Variants in SHPRH observed in about 807,000 individuals in gnomAD.
SHPRH encodes E3 ubiquitin-protein ligase SHPRH.
SHPRH carries 106 observed loss-of-function variants against 202.5 expected under a neutral mutation model. That is an observed-to-expected ratio of 0.52 (90% confidence interval 0.45 to 0.62). SHPRH has a LOEUF of 0.62. Ranked by LOEUF, SHPRH falls within the 20% of genes least tolerant of loss-of-function variation. The pLI is 0.00. For missense variants in SHPRH, 1,710 were observed against 2,020.0 expected (o/e 0.85, Z 2.94); for synonymous variants, 729 against 686.0 (o/e 1.06, Z -0.98).
intron 11 of SHPRH, among the ~76,000 whole-genome samples, chr6:145,936,136 C>T (rs1786044205): frequency 6.6e-6 from 1 of 151,420 alleles, no homozygotes; most frequent in African/African-American, 2.4e-5. Flanking sequence ...TATTCTATTC[C>T]CCTCCACCTG....
At chr6:145,947,308 A>T (rs1321794530) in intron 6 of SHPRH, among the ~76,000 whole-genome samples, 185 bp downstream of exon 6, 1 of 152,066 alleles carries the variant, frequency 6.6e-6, no homozygotes, top group Non-Finnish European at 1.5e-5. Context: ...CTTCAAAAAT[A>T]AACCTTCTGG....
chr6:145,935,672 C>T, intron 11 of SHPRH: 1 of 457,530 alleles, frequency 2.2e-6, no homozygotes, highest in Admixed American at 3.5e-5. Context: ...TTTATGCAAC[C>T]ATTCATTACA....
At position 145,955,353 on chromosome 6, in the gene SHPRH, C is replaced by T; in HGVS notation, c.-31G>A. On this transcript the variant is annotated splice_region_variant and 5_prime_UTR_variant, in exon 2 of 30. Transcript: ENST00000275233. The stretch of plus-strand genomic sequence containing the variant: ...AGTTTTCTTGGCTGGTAACTGTGAA[C>T]TCTAGAGGACAAATGAAACAACAGG... 1 of 1,564,296 alleles carries T rather than the reference C, an allele frequency of 6.4e-7. No homozygotes were observed. The highest frequency in any genetic ancestry group is 8.6e-7 in the Non-Finnish European group (1 of 1,160,586).
intron 9 of SHPRH, among the ~76,000 whole-genome samples, chr6:145,942,494 T>C (rs1311235995): frequency 6.6e-6 from 1 of 152,200 alleles, no homozygotes; most frequent in Non-Finnish European, 1.5e-5. Flanking sequence ...TATTACAGTA[T>C]TCTCCATGCC....
chr6:145,937,239 C>T (rs557192452), intron 11 of SHPRH, among the ~76,000 whole-genome samples: 6 of 152,224 alleles, frequency 3.9e-5, no homozygotes, highest in African/African-American at 1.2e-4. Flanking sequence ...CCGCCTCAGC[C>T]TCCCAAAGTG....
intron 21 of SHPRH, among the ~76,000 whole-genome samples, chr6:145,919,713 A>C (rs996845051): frequency 1.1e-4 from 17 of 152,194 alleles, no homozygotes; most frequent in African/African-American, 4.1e-4. Context: ...CAGAATATAA[A>C]GATTTCTTGC....
At chr6:145,867,599 A>AAT (rs374395571) in intron 2 of SHPRH, among the ~76,000 whole-genome samples, 284 of 21,518 alleles carry the variant, frequency 0.013, 7 homozygotes, top group Middle Eastern at 0.031. Context: ...TTCAAAAAAG[A>AAT]ATATATATAT....
At position 145,894,932 on chromosome 6, in the gene SHPRH, T is replaced by G; in HGVS notation, c.4561A>C (p.Lys1521Gln). 1 of 1,613,110 alleles carries G rather than the reference T, an allele frequency of 6.2e-7. No homozygotes were observed. The highest frequency in any genetic ancestry group is 8.5e-7 in the Non-Finnish European group (1 of 1,179,348). Reference sequence around the variant, plus strand: ...GCCCCTGGATCTCTAAGCTGTATTTTCATCAGAGTTCTGACCACAGCTTCC... The same window carrying G: ...GCCCCTGGATCTCTAAGCTGTATTTGCATCAGAGTTCTGACCACAGCTTCC... ...KVEAVVRTLM[K>Q]IQLRDPGAKA... The change falls in exon 26 of 30, where the codon AAA becomes CAA. Residue 1521 changes from lysine (K) to glutamine (Q), a missense_variant. By Grantham distance (53) the Lys-to-Gln change is moderately conservative. Coordinates refer to ENST00000275233, the MANE Select transcript of SHPRH (RefSeq NM_001042683.3).
intron 8 of SHPRH, among the ~76,000 whole-genome samples, chr6:145,944,405 CT>C (rs1456375044): frequency 3.3e-5 from 5 of 152,086 alleles, no homozygotes. Context: ...TAAAATGATG[CT>C]ATGGGAATAC....
intron 28 of SHPRH, among the ~76,000 whole-genome samples, chr6:145,891,276 G>A (rs1781545526): frequency 6.6e-6 from 1 of 152,042 alleles, no homozygotes. Flanking sequence ...CCACACTCCT[G>A]ATTTAGGGCC....
rs574632723 is a variant in SHPRH, at chr6:145,915,753, A to G, written c.4255-2204T>C. Among the ~76,000 whole-genome samples, 8 of 151,594 alleles carry G rather than the reference A, an allele frequency of 5.3e-5. No individual in the cohort carries two copies. In the East Asian group the frequency reaches 1.6e-3, roughly 30 times the overall value. ...TTATCTCTCAACTTTTTTTATTTCTATTTTTCATTATTTTTGGTTTCCAGC... is the reference window on the plus strand; with the variant it reads ...TTATCTCTCAACTTTTTTTATTTCTGTTTTTCATTATTTTTGGTTTCCAGC... On this transcript the variant is annotated intron_variant, in intron 23 of 29. Transcript: ENST00000275233.
At chr6:145,924,117 G>T (rs1784661801) in intron 17 of SHPRH, among the ~76,000 whole-genome samples, 1 of 151,858 alleles carries the variant, frequency 6.6e-6, no homozygotes, top group Non-Finnish European at 1.5e-5. Context: ...AAGGTCACAG[G>T]TCTCTTTATC....
intron 2 of SHPRH, among the ~76,000 whole-genome samples, chr6:145,879,408 A>T (rs1780450822): frequency 6.6e-6 from 1 of 152,202 alleles, no homozygotes; most frequent in Admixed American, 6.5e-5. Context: ...AGAAAAACAA[A>T]CCTAAAACAG....
At chr6:145,958,227 C>T (rs10457789) in intron 1 of SHPRH, among the ~76,000 whole-genome samples, 12,766 of 152,126 alleles carry the variant, frequency 0.084, 650 homozygotes, top group South Asian at 0.12. Context: ...ATGTTCAACA[C>T]ATGATTGCAG....
chr6:145,863,184 G>C (rs534948817), downstream of SHPRH, among the ~76,000 whole-genome samples: 1 of 152,302 alleles, frequency 6.6e-6, no homozygotes, highest in East Asian at 1.9e-4. Flanking sequence ...CATTGGAAGT[G>C]CTGTACCCCA....
intron 2 of SHPRH, 90 bp from the exon 3 acceptor site, chr6:145,952,568 C>G (rs1788088368): frequency 8.1e-7 from 1 of 1,228,134 alleles, no homozygotes. Context: ...AGCATCACTA[C>G]TTTTAAAGGT....
chr6:145,963,311 C>T (rs1789295655), intron 1 of SHPRH, among the ~76,000 whole-genome samples: 1 of 152,090 alleles, frequency 6.6e-6, no homozygotes, highest in Admixed American at 6.5e-5. Flanking sequence ...TTTAAAGTAA[C>T]AGTAATAACT....
intron 25 of SHPRH, among the ~76,000 whole-genome samples, chr6:145,902,768 T>C (rs191891292): frequency 1.1e-3 from 165 of 152,228 alleles, no homozygotes; most frequent in Non-Finnish European, 1.6e-3. Flanking sequence ...CATCCATGCA[T>C]TCAAATACTT....
At chr6:145,888,770 TC>T (rs1781331195) in intron 28 of SHPRH, among the ~76,000 whole-genome samples, 1 of 152,130 alleles carries the variant, frequency 6.6e-6, no homozygotes, top group Non-Finnish European at 1.5e-5. Flanking sequence ...AGTTAAGAAG[TC>T]CTGTAGTCAT....
Sources: gnomAD v4.1 joint callset for allele counts (sites outside exome capture counted in the v4.1 genomes callset) on GRCh38, gnomAD v4.1.1 for gene constraint, MANE v1.5 for transcripts, NCBI Gene and HGNC (gene_info 2026-07-23, HGNC 2026-07-21) for gene names.